Variants in CDKN2A observed in about 807,000 individuals in gnomAD.
The protein encoded by CDKN2A is cyclin dependent kinase inhibitor 2A.
CDKN2A carries 3 observed loss-of-function variants against 11.1 expected under a neutral mutation model. That is an observed-to-expected ratio of 0.27 (90% confidence interval 0.12 to 0.70). The LOEUF (loss-of-function observed/expected upper bound fraction) is 0.70, where lower values mean the gene tolerates loss of function less well. CDKN2A is among the 30% of genes least tolerant of loss of function. The pLI, the probability that CDKN2A is intolerant of heterozygous loss-of-function variation, is 0.77. For missense variants in CDKN2A, 265 were observed against 233.6 expected (o/e 1.13, Z -0.88); for synonymous variants, 122 against 108.1 (o/e 1.13, Z -0.80).
At chr9:21,994,842 G>C (rs1347440872) in exon 1 of CDKN2A, 1 of 164,932 alleles carries the variant, frequency 6.1e-6, no homozygotes, top group Non-Finnish European at 1.3e-5. Flanking sequence ...GCGCTCCCGC[G>C]GATTCTGGTG....
intron 2 of CDKN2A, among the ~76,000 whole-genome samples, chr9:21,987,148 C>T (rs533311470): frequency 1.6e-4 from 25 of 152,074 alleles, no homozygotes; most frequent in Admixed American, 1.2e-3. Flanking sequence ...TTTTAGCTTA[C>T]ATTTTTCATC....
rs1444669684 is a variant in CDKN2A at position 21,994,285 on chromosome 9, C to T, written c.-175-232G>A. The T allele has an allele frequency of 3.1e-6, 5 of 1,603,732 alleles. No individual in the cohort carries two copies. The highest frequency in any genetic ancestry group is 4.3e-6 in the Non-Finnish European group (5 of 1,175,880). On this transcript the variant is annotated intron_variant, in intron 1 of 3. Coordinates refer to the CDKN2A transcript ENST00000494262. The stretch of plus-strand genomic sequence containing the variant: ...CACGAAAACCCTCACTCGCGGCGGG[C>T]CGCACGCGCGCCGAATCCGGAGGGT...
upstream of CDKN2A, among the ~76,000 whole-genome samples, chr9:21,976,642 GA>G (rs779885338): frequency 4.0e-5 from 6 of 150,478 alleles, no homozygotes; most frequent in Non-Finnish European, 7.4e-5. Flanking sequence ...TTGAACCCAG[GA>G]GAAGGCGGAG....
upstream of CDKN2A, among the ~76,000 whole-genome samples, chr9:21,979,043 A>C (rs77238175): frequency 9.2e-3 from 1,406 of 152,316 alleles, 107 homozygotes; most frequent in East Asian, 0.19. Context: ...GACCAAACTC[A>C]TTCTCATTTG....
chr9:21,970,762 C>T (rs1437118839), intron 2 of CDKN2A, 140 bp downstream of exon 2: 2 of 1,066,756 alleles, frequency 1.9e-6, no homozygotes, highest in Non-Finnish European at 2.8e-6. Flanking sequence ...TAGGGAGACT[C>T]AGGCCGTCCC....
In CDKN2A at chr9:21,968,839, G is replaced by A. The variant is rs913270578; in HGVS notation, c.458-597C>T. On this transcript the variant is annotated intron_variant, in intron 2 of 2. Transcript: ENST00000304494. The surrounding 1 kb of genome is among the most constrained non-coding windows in gnomAD (Gnocchi z 4.7). ...CTGCCTTCCTCTCTAATCTCGTTGC[G>A]TATGGGCTCCAGCTCGCCGTTCGGT... 7.5e-6 allele frequency: 11 copies of A among 1,472,728 alleles called. No individual in the cohort carries two copies. Among genetic ancestry groups the A allele is most frequent in the African/African-American group, 5.6e-5 (4 of 71,860 alleles). 91.2% of individuals were successfully genotyped at this position (1,472,728 alleles called of 1,614,324 possible).
intron 2 of CDKN2A, among the ~76,000 whole-genome samples, chr9:21,980,845 G>A (rs1184678946): frequency 1.3e-5 from 2 of 149,612 alleles, no homozygotes; most frequent in African/African-American, 4.9e-5. Flanking sequence ...TGTAGTCCCA[G>A]CTACTCCGGA....
chr9:21,969,534 AGGGAGGAG>A lies in CDKN2A; in HGVS notation c.458-1300_458-1293del, dbSNP rs1819589424. On this transcript the variant is annotated intron_variant, in intron 2 of 2. Transcript: ENST00000304494. Reference sequence around the variant, plus strand: ...GGGGTGTTGGGGAGTAAGAGAAGGAAGGGAGGAGGGAAGAAATGAAAGACTTGTGTGTT... The same window carrying A: ...GGGGTGTTGGGGAGTAAGAGAAGGAAGGAAGAAATGAAAGACTTGTGTGTT... The A allele has an allele frequency of 2.8e-5, 11 of 388,086 alleles. No individual in the cohort carries two copies. The East Asian group carries it at 4.0e-4, about 14-fold the overall frequency. The allele number at this position is 388,086 out of a possible 1,614,324, so 24.0% of individuals were successfully genotyped here.
At chr9:21,985,104 A>G (rs1357990056) in intron 2 of CDKN2A, among the ~76,000 whole-genome samples, 2 of 151,942 alleles carry the variant, frequency 1.3e-5, no homozygotes, top group Admixed American at 1.3e-4. Flanking sequence ...CAGATTTAAC[A>G]TTTCCACTCA....
chr9:21,968,604 G>C lies in CDKN2A; in HGVS notation c.458-362C>G. 6.7e-7 allele frequency: 1 copy of C among 1,501,832 alleles called. No homozygotes were observed. The allele number at this position is 1,501,832 out of a possible 1,614,324, so 93.0% of individuals were successfully genotyped here. On this transcript the variant is annotated intron_variant, in intron 2 of 2. Coordinates refer to ENST00000304494, the MANE Select transcript of CDKN2A (RefSeq NM_000077.5). This position sits in a 1 kb window ranked among gnomAD's most constrained non-coding sequence, Gnocchi z 4.7. The stretch of plus-strand genomic sequence containing the variant: ...CCAGGCGCGAAGGCGTGAAGATGTG[G>C]CCTTTCCCTTCCCGCATCCCCAGGC...
chr9:21,993,295 T>A (rs1023846634), intron 2 of CDKN2A, among the ~76,000 whole-genome samples: 2 of 152,250 alleles, frequency 1.3e-5, no homozygotes, highest in Non-Finnish European at 2.9e-5. Flanking sequence ...GAAATTACAC[T>A]GGCTGTGTCA....
intron 2 of CDKN2A, chr9:21,970,235 A>G (rs979625253): frequency 8.4e-6 from 2 of 237,954 alleles, no homozygotes; most frequent in African/African-American, 2.2e-5. Flanking sequence ...CCATAATTCT[A>G]CCTTCATCGC....
upstream of CDKN2A, among the ~76,000 whole-genome samples, chr9:21,975,932 C>A (rs1820016379): frequency 6.6e-6 from 1 of 152,120 alleles, no homozygotes; most frequent in Admixed American, 6.6e-5. Flanking sequence ...ATATGAGTGC[C>A]CCCTGCTTTA....
intron 2 of CDKN2A, among the ~76,000 whole-genome samples, chr9:21,981,950 T>C (rs1820207420): frequency 1.3e-5 from 2 of 152,184 alleles, no homozygotes; most frequent in African/African-American, 2.4e-5. Context: ...AAACAATGTG[T>C]CCCTGGGAGT....
chr9:21,994,558 C>G (rs1390915683), intron 1 of CDKN2A: 15 of 1,168,136 alleles, frequency 1.3e-5, no homozygotes, highest in Non-Finnish European at 1.5e-5. Context: ...TCCAAGATCT[C>G]GGAACGGCTC....
Position 21,968,839 on chromosome 9 carries a change from G to GT in CDKN2A, c.458-598dup. ...CTGCCTTCCTCTCTAATCTCGTTGC[G>GT]TATGGGCTCCAGCTCGCCGTTCGGT... On this transcript the variant is annotated intron_variant, in intron 2 of 2. Transcript: ENST00000304494. The surrounding 1 kb of genome is among the most constrained non-coding windows in gnomAD (Gnocchi z 4.7). The GT allele has an allele frequency of 2.0e-6, 3 of 1,472,728 alleles. No homozygotes were observed. In the South Asian group the frequency reaches 3.6e-5, roughly 18 times the overall value. 91.2% of individuals were successfully genotyped at this position (1,472,728 alleles called of 1,614,324 possible). A position where few individuals can be genotyped will look rare whatever the true frequency, so the allele number is the denominator to read the frequency against.
At position 21,974,479 on chromosome 9, in the gene CDKN2A, A is replaced by G. The variant is rs2131109402; in HGVS notation, c.150+199T>C. On this transcript the variant is annotated intron_variant, in intron 1 of 2. Coordinates refer to ENST00000304494, the MANE Select transcript of CDKN2A (RefSeq NM_000077.5). The surrounding 1 kb of genome is among the most constrained non-coding windows in gnomAD (Gnocchi z 5.2). Reference sequence around the variant, plus strand: ...GAGATCTGTACGCGCGTGGCTCCTCATTCCTCTTCCTTGGCTTCCCAAGCC... The same window carrying G: ...GAGATCTGTACGCGCGTGGCTCCTCGTTCCTCTTCCTTGGCTTCCCAAGCC... 1 of 1,612,806 alleles carries G rather than the reference A, an allele frequency of 6.2e-7. No homozygotes were observed. The highest frequency in any genetic ancestry group is 8.5e-7 in the Non-Finnish European group (1 of 1,179,760).
intron 2 of CDKN2A, chr9:21,970,500 C>T: frequency 2.3e-6 from 1 of 439,742 alleles, no homozygotes. Context: ...GTTGGTCCAG[C>T]CAGCTTGGTA....
Position 21,991,578 on chromosome 9 carries a change from T to G in CDKN2A, c.-4+2304A>C. The G allele has an allele frequency of 2.4e-6, 2 of 832,182 alleles. No individual in the cohort carries two copies. The highest frequency in any genetic ancestry group is 2.9e-6 in the Non-Finnish European group (2 of 690,126). The allele number at this position is 832,182 out of a possible 1,614,324, so 51.5% of individuals were successfully genotyped here. ...CTATAAAAAAGTATTTTTGATACCA[T>G]TTGTATCACTTTAGTAATAGGAGTT... On this transcript the variant is annotated intron_variant, in intron 2 of 3. Transcript: ENST00000494262. The surrounding 1 kb of genome is among the most constrained non-coding windows in gnomAD (Gnocchi z 5.2).
Sources: gnomAD v4.1 joint callset for allele counts (sites outside exome capture counted in the v4.1 genomes callset) on GRCh38, gnomAD v4.1.1 for gene constraint, Gnocchi (gnomAD v3.1) non-coding constraint, MANE v1.5 for transcripts, NCBI Gene and HGNC (gene_info 2026-07-23, HGNC 2026-07-21) for gene names.